Variants in BID observed in about 807,000 individuals in gnomAD.
BID encodes the protein BH3-interacting domain death agonist.
A neutral mutation model predicts 17.4 loss-of-function variants in BID; 19 were observed. The observed-to-expected ratio is 1.09, with a 90% confidence interval of 0.76 to 1.60. The LOEUF (loss-of-function observed/expected upper bound fraction) is 1.60. BID is among the 40% of genes most tolerant of loss of function. BID has a pLI of 0.00. For synonymous variants in BID, 108 were observed against 102.8 expected, an observed-to-expected ratio of 1.05 and a Z score of -0.31; for missense variants, 226 against 256.0, an observed-to-expected ratio of 0.88 and a Z score of 0.80.
At chr22:17,746,798 C>T (rs953282827) in intron 2 of BID, among the ~76,000 whole-genome samples, 7 of 152,052 alleles carry the variant, frequency 4.6e-5, no homozygotes, top group Non-Finnish European at 7.4e-5. Flanking sequence ...GCCAGGAGAG[C>T]GCCCCAGAAG....
At position 17,739,415 on chromosome 22, in the gene BID, A is replaced by G. The variant is rs768249904; in HGVS notation, c.297T>C (p.Arg99=). The change falls in exon 4 of 6, where the codon CGT becomes CGC. Residue 99 remains arginine (R), a synonymous_variant. Transcript: ENST00000622694. ...CGTTCACCAGGCCCGGAGGGATGCT[A>G]CGGTCCATGCTGTCCCCGACCTGGG... is the stretch of plus-strand genomic sequence containing the variant. ...HLAQVGDSMD[R]SIPPGLVNGL... is the part of the protein sequence containing the mutation. 3.1e-6 allele frequency: 5 copies of G among 1,611,908 alleles called. No homozygotes were observed. The highest frequency in any genetic ancestry group is 3.4e-6 in the Non-Finnish European group (4 of 1,179,832).
At position 17,737,937 on chromosome 22, in the gene BID, G is replaced by T; in HGVS notation, c.576+80C>A. ...CCTTGTGCTGGCATCAGAGGCAGGG[G>T]CCCCGCTGGGCTTCTCAACCTTCCA... On this transcript the variant is annotated intron_variant, in intron 5 of 5. Coordinates refer to ENST00000622694, the MANE Select transcript of BID (RefSeq NM_001196.4). 4.7e-6 allele frequency: 7 copies of T among 1,481,900 alleles called. No homozygotes were observed. The South Asian group carries it at 8.2e-5, about 17-fold the overall frequency. 91.8% of individuals were successfully genotyped at this position (1,481,900 alleles called of 1,614,324 possible).
intron 1 of BID, among the ~76,000 whole-genome samples, chr22:17,772,509 CCTGAA>C (rs1312338715): frequency 6.6e-6 from 1 of 152,196 alleles, no homozygotes; most frequent in South Asian, 2.1e-4. Flanking sequence ...CTCCGGGTCC[CCTGAA>C]AAAACGGGCA....
chr22:17,745,413 C>A (rs756561275), intron 2 of BID, among the ~76,000 whole-genome samples: 13 of 152,158 alleles, frequency 8.5e-5, no homozygotes, highest in Non-Finnish European at 1.8e-4. Flanking sequence ...GTAATCCCGG[C>A]ACTCTGGGAG....
intron 3 of BID, chr22:17,740,102 GGCCACGCTCAACTGC>G: frequency 6.2e-7 from 1 of 1,611,902 alleles, no homozygotes; most frequent in Non-Finnish European, 8.5e-7. Context: ...GCTCCATGAA[GGCCACGCTCAACTGC>G]CACGCTCCCT....
At chr22:17,757,564 C>A (rs1398012031) in intron 1 of BID, among the ~76,000 whole-genome samples, 1 of 151,804 alleles carries the variant, frequency 6.6e-6, no homozygotes, top group African/African-American at 2.4e-5. Flanking sequence ...AAAAAATTAG[C>A]CGGGCGTGGT....
intron 3 of BID, among the ~76,000 whole-genome samples, chr22:17,741,978 C>T (rs1403869909): frequency 4.6e-5 from 7 of 152,216 alleles, no homozygotes; most frequent in African/African-American, 9.6e-5. Flanking sequence ...ATCTGTGCCT[C>T]GCTCGTTCCC....
intron 3 of BID, 129 bp from the exon 4 acceptor site, chr22:17,739,617 T>C (rs1304154764): frequency 1.6e-6 from 2 of 1,244,330 alleles, no homozygotes; most frequent in East Asian, 5.0e-5. Flanking sequence ...ACTGGGCACG[T>C]GCTCCACTCC....
At chr22:17,737,084 C>T (rs940749584) in intron 5 of BID, among the ~76,000 whole-genome samples, 3 of 152,074 alleles carry the variant, frequency 2.0e-5, no homozygotes, top group Admixed American at 6.5e-5. Flanking sequence ...GGATTACAGG[C>T]GTGAGCCACC....
chr22:17,736,412 G>A lies in BID; in HGVS notation c.577-821C>T, dbSNP rs183425749. Among the ~76,000 whole-genome samples, 5 of 149,154 alleles carry A rather than the reference G, an allele frequency of 3.4e-5. No homozygotes were observed. The South Asian group carries it at 6.3e-4, about 19-fold the overall frequency. ...GCAGAGGTTGTGGTGAGCTGAGATCGTGCCATTGCACTCCAGCCTGGGCAA... is the reference window on the plus strand; with the variant it reads ...GCAGAGGTTGTGGTGAGCTGAGATCATGCCATTGCACTCCAGCCTGGGCAA... On this transcript the variant is annotated intron_variant, in intron 5 of 5. Transcript: ENST00000622694.
Position 17,773,122 on chromosome 22 carries a change from C to T in BID, c.-59+1259G>A, listed in dbSNP as rs1253306080. Among the ~76,000 whole-genome samples, 4 of 152,184 alleles carry T rather than the reference C, an allele frequency of 2.6e-5. No individual in the cohort carries two copies. Among genetic ancestry groups the T allele is most frequent in the Non-Finnish European group, 5.9e-5 (4 of 68,030 alleles). ...GCCACGAACTGCTGACCCCGCATTT[C>T]CTCTTCCCTCCCTGGGCAAGAGGGG... On this transcript the variant is annotated intron_variant, in intron 1 of 5. Transcript: ENST00000622694. This position sits in a 1 kb window ranked among gnomAD's most constrained non-coding sequence, Gnocchi z 4.4.
At position 17,737,896 on chromosome 22, in the gene BID, C is replaced by G. The variant is rs2061430946; in HGVS notation, c.576+121G>C. The G allele has an allele frequency of 5.7e-6, 6 of 1,059,722 alleles. No homozygotes were observed. In the East Asian group the frequency reaches 1.4e-4, roughly 25 times the overall value. 65.6% of individuals were successfully genotyped at this position (1,059,722 alleles called of 1,614,324 possible). ...TCACAACAGCAAAACCAAACCCGAG[C>G]AGGACAGCCTGTAACCCTTGTGCTG... On this transcript the variant is annotated intron_variant, in intron 5 of 5. Coordinates refer to ENST00000622694, the MANE Select transcript of BID (RefSeq NM_001196.4).
intron 2 of BID, 46 bp downstream of exon 2, chr22:17,750,058 TC>T: frequency 6.3e-7 from 1 of 1,584,822 alleles, no homozygotes; most frequent in Middle Eastern, 2.0e-4. Flanking sequence ...CCCTTACCCC[TC>T]GACCCCGCCC....
intron 3 of BID, chr22:17,740,500 G>A: frequency 4.0e-6 from 1 of 250,452 alleles, no homozygotes; most frequent in South Asian, 4.5e-5. Flanking sequence ...CGCGATCTCG[G>A]CTCACTGCAA....
rs2061407234 is a variant in BID at position 17,734,636 on chromosome 22, C to G, written c.*944G>C. Reference sequence around the variant, plus strand: ...TTTTTAAAAAGTCCAACTGCTCTTTCATCTTTTATGCTTAGAAACCTGTTC... The same window carrying G: ...TTTTTAAAAAGTCCAACTGCTCTTTGATCTTTTATGCTTAGAAACCTGTTC... On this transcript the variant is annotated 3_prime_UTR_variant, in exon 6 of 6. Transcript: ENST00000622694. 1 of 152,244 alleles carries G rather than the reference C, an allele frequency of 6.6e-6. No homozygotes were observed. The highest frequency in any genetic ancestry group is 1.5e-5 in the Non-Finnish European group (1 of 68,038). The allele number at this position is 152,244 out of a possible 1,614,324, so 9.4% of individuals were successfully genotyped here.
At chr22:17,757,816 C>G (rs1047323833) in intron 1 of BID, among the ~76,000 whole-genome samples, 3 of 152,202 alleles carry the variant, frequency 2.0e-5, no homozygotes, top group Non-Finnish European at 4.4e-5. Context: ...GTTCTCAGAG[C>G]TCCCAACAGC....
intron 2 of BID, among the ~76,000 whole-genome samples, chr22:17,745,666 A>AG (rs1036080237): frequency 8.6e-5 from 13 of 151,932 alleles, no homozygotes; most frequent in African/African-American, 3.1e-4. Flanking sequence ...GAAAAAAAAA[A>AG]TGCTTAAAAT....
chr22:17,739,917 GAGAGCCCCCATTCCTCGC>G, intron 3 of BID: 1 of 738,898 alleles, frequency 1.4e-6, no homozygotes, highest in South Asian at 1.7e-5. Flanking sequence ...TCTCAAGCCT[GAGAGCCCCCATTCCTCGC>G]AGTCCCGTCT....
At chr22:17,743,755 C>T (rs738094) in intron 3 of BID, 48 bp downstream of exon 3, 875,295 of 1,548,438 alleles carry the variant, frequency 0.57, 253,753 homozygotes, top group East Asian at 0.8. Flanking sequence ...ATGTTACTGG[C>T]GACAGAGAAG....
Sources: gnomAD v4.1 joint callset for allele counts (sites outside exome capture counted in the v4.1 genomes callset) on GRCh38, gnomAD v4.1.1 for gene constraint, Gnocchi (gnomAD v3.1) non-coding constraint, MANE v1.5 for transcripts, NCBI Gene and HGNC (gene_info 2026-07-23, HGNC 2026-07-21) for gene names.